The following KAZN variants were observed in gnomAD, a reference collection of about 807,000 sequenced individuals.
KAZN encodes the protein kazrin, periplakin interacting protein.
In KAZN, 40 loss-of-function variants were observed where a neutral mutation model predicts 87.4. That is an observed-to-expected ratio of 0.46 (90% confidence interval 0.36 to 0.60). The LOEUF is 0.60. KAZN is among the 20% of genes least tolerant of loss of function. KAZN has a pLI of 0.00. For synonymous variants in KAZN, 466 were observed against 458.3 expected (o/e 1.02, Z -0.22); for missense variants, 898 against 1,073.9 (o/e 0.84, Z 2.29).
chr1:14,924,594 C>T (rs1658943208), intron 1 of KAZN: 2 of 993,464 alleles, frequency 2.0e-6, no homozygotes, highest in Non-Finnish European at 2.4e-6. Flanking sequence ...CGGGGCGGGG[C>T]GGGGCGGGCG....
At chr1:14,267,359 CAAAAAAAAA>C (rs61641430) in intron 2 of KAZN, among the ~76,000 whole-genome samples, 1 of 64,754 alleles carries the variant, frequency 1.5e-5, no homozygotes, top group African/African-American at 5.5e-5. Context: ...AGCCGATAAG[CAAAAAAAAA>C]AAAAAAAAAA....
At chr1:14,042,418 C>T (rs1323745194) in intron 1 of KAZN, among the ~76,000 whole-genome samples, 1 of 152,182 alleles carries the variant, frequency 6.6e-6, no homozygotes, top group Non-Finnish European at 1.5e-5. Context: ...GCTTTCAGCC[C>T]TCATCTTAGT....
intron 1 of KAZN, among the ~76,000 whole-genome samples, chr1:13,939,032 C>A (rs553483894): frequency 1.3e-5 from 2 of 152,348 alleles, no homozygotes; most frequent in East Asian, 1.9e-4. Flanking sequence ...GGTTGCCTTG[C>A]AGATCTTTGG....
intron 1 of KAZN, among the ~76,000 whole-genome samples, chr1:14,127,804 C>T (rs1018823): frequency 0.57 from 86,844 of 151,958 alleles, 26,062 homozygotes; most frequent in East Asian, 0.76. Context: ...TGCTTTGAGT[C>T]GGTGCTAGGG....
At chr1:14,421,052 C>G (rs1053127677) in intron 2 of KAZN, among the ~76,000 whole-genome samples, 2 of 152,218 alleles carry the variant, frequency 1.3e-5, no homozygotes, top group African/African-American at 4.8e-5. Context: ...GCGTGGAGAG[C>G]GAGAGAGGGC....
intron 2 of KAZN, among the ~76,000 whole-genome samples, chr1:14,255,119 C>CAAAAAAAAAAAAAAAAAAAAA (rs71570191): frequency 1.2e-5 from 1 of 83,758 alleles, no homozygotes; most frequent in Non-Finnish European, 2.6e-5. Context: ...GACTCTGTCT[C>CAAAAAAAAAAAAAAAAAAAAA]AAAAAAAAAA....
At position 14,824,113 on chromosome 1, in the gene KAZN, CAAA is replaced by C. The variant is rs56851270; in HGVS notation, c.227-136555_227-136553del. On this transcript the variant is annotated intron_variant, in intron 1 of 14. Transcript: ENST00000376030. ...TGGGCAACAGAGCAAGACTCCATCT[CAAA>C]AAAAAAAAAAAAAAAGGTTAAAAAT... 2.6e-3 allele frequency among the ~76,000 whole-genome samples: 328 copies of C among 125,222 alleles called. 1 individual carries two copies. Among genetic ancestry groups the C allele is most frequent in the South Asian group, 6.6e-3 (24 of 3,630 alleles). 82.2% of individuals were successfully genotyped at this position (125,222 alleles called of 152,430 possible). A position where few individuals can be genotyped will look rare whatever the true frequency, so the allele number is the denominator to read the frequency against.
At chr1:13,940,924 G>C (rs909507099) in intron 1 of KAZN, among the ~76,000 whole-genome samples, 12 of 152,148 alleles carry the variant, frequency 7.9e-5, no homozygotes, top group African/African-American at 2.9e-4. Context: ...GCTGGGCATG[G>C]TGGCTCACAC....
intron 1 of KAZN, among the ~76,000 whole-genome samples, chr1:14,944,853 G>A (rs541936090): frequency 1.3e-5 from 2 of 152,334 alleles, no homozygotes; most frequent in African/African-American, 2.4e-5. Flanking sequence ...GGCCTTCTGC[G>A]GATGGCGGCA....
At chr1:14,005,573 G>A (rs1186954520) in intron 1 of KAZN, among the ~76,000 whole-genome samples, 4 of 152,122 alleles carry the variant, frequency 2.6e-5, no homozygotes, top group African/African-American at 9.7e-5. Context: ...GAAAGGCGAG[G>A]GTTGAAGACA....
intron 1 of KAZN, among the ~76,000 whole-genome samples, chr1:14,727,866 A>G (rs921639898): frequency 2.0e-5 from 3 of 152,084 alleles, no homozygotes; most frequent in African/African-American, 7.2e-5. Context: ...TTTTCCTGCA[A>G]CTAGACAGTC....
At chr1:14,834,288 G>A (rs958082494) in intron 1 of KAZN, among the ~76,000 whole-genome samples, 2 of 151,026 alleles carry the variant, frequency 1.3e-5, no homozygotes, top group Non-Finnish European at 2.9e-5. Flanking sequence ...CACCTACCTC[G>A]GCCTCCCAAA....
intron 2 of KAZN, among the ~76,000 whole-genome samples, chr1:14,239,299 A>G (rs540468768): frequency 7.3e-4 from 111 of 152,248 alleles, no homozygotes; most frequent in African/African-American, 2.6e-3. Flanking sequence ...AAAGTTTTTT[A>G]AGAGGCTGGT....
At chr1:14,718,093 G>A (rs896029799) in intron 1 of KAZN, among the ~76,000 whole-genome samples, 1 of 152,342 alleles carries the variant, frequency 6.6e-6, no homozygotes, top group Admixed American at 6.5e-5. Flanking sequence ...GGCAGGGCAA[G>A]CACAAAGAAG....
chr1:14,412,735 CAAG>C (rs1206336055), intron 2 of KAZN, among the ~76,000 whole-genome samples: 2 of 151,398 alleles, frequency 1.3e-5, no homozygotes, highest in Non-Finnish European at 2.9e-5. Context: ...TAATTTTTAT[CAAG>C]AATAGAATTA....
intron 2 of KAZN, among the ~76,000 whole-genome samples, chr1:14,244,750 G>A (rs1279547574): frequency 6.6e-6 from 1 of 152,028 alleles, no homozygotes; most frequent in East Asian, 1.9e-4. Context: ...GAGGAGGTGA[G>A]AATTGATGGT....
At chr1:13,982,412 AG>A (rs1252211524) in intron 1 of KAZN, among the ~76,000 whole-genome samples, 1 of 152,236 alleles carries the variant, frequency 6.6e-6, no homozygotes, top group Non-Finnish European at 1.5e-5. Flanking sequence ...TAGCTGGCTC[AG>A]GAGTGAAGCT....
At chr1:14,854,761 T>C (rs1456066820) in intron 1 of KAZN, among the ~76,000 whole-genome samples, 1 of 152,092 alleles carries the variant, frequency 6.6e-6, no homozygotes, top group Non-Finnish European at 1.5e-5. Flanking sequence ...AATTTCCACA[T>C]GAGTTTGGAT....
chr1:14,385,580 C>G lies in KAZN; in HGVS notation c.249+204988C>G, dbSNP rs537668444. On this transcript the variant is annotated intron_variant, in intron 2 of 16. Coordinates refer to the KAZN transcript ENST00000636203. ...TTCATTTCATTATGTACTCAGTAGT[C>G]ATTCAGGAGCAGGTTGTTTGGTTTC... Among the ~76,000 whole-genome samples, 419 of 152,240 alleles carry G rather than the reference C, an allele frequency of 2.8e-3. 1 individual carries two copies. Among genetic ancestry groups the G allele is most frequent in the African/African-American group, 9.1e-3 (379 of 41,504 alleles).
Sources: allele counts gnomAD v4.1 joint callset (sites outside exome capture counted in the v4.1 genomes callset), GRCh38; gene constraint gnomAD v4.1.1; transcripts MANE v1.5; gene names NCBI Gene and HGNC (gene_info 2026-07-23, HGNC 2026-07-21).